The following MICAL2 variants were observed in gnomAD, a reference collection of about 807,000 sequenced individuals.
MICAL2 encodes microtubule associated monooxygenase, calponin and LIM domain containing 2.
In MICAL2, 77 loss-of-function variants were observed where a neutral mutation model predicts 127.3. The observed-to-expected ratio is 0.60, with a 90% CI of 0.50 to 0.73. The LOEUF is 0.73. Among genes scored for constraint, MICAL2 ranks in the 30% least tolerant of loss-of-function variants. The pLI is 0.00. For missense variants in MICAL2, 1,351 were observed against 1,434.4 expected, an observed-to-expected ratio of 0.94 and a Z score of 0.94; for synonymous variants, 570 against 551.1, an observed-to-expected ratio of 1.03 and a Z score of -0.48.
intron 7 of MICAL2, among the ~76,000 whole-genome samples, chr11:12,216,010 G>T (rs1337763631): frequency 2.6e-5 from 4 of 152,274 alleles, no homozygotes; most frequent in Middle Eastern, 3.4e-3. Flanking sequence ...GAATAATGCC[G>T]CTATAGAACT....
intron 32 of MICAL2, among the ~76,000 whole-genome samples, chr11:12,341,352 T>C (rs901932103): frequency 6.6e-6 from 1 of 151,636 alleles, no homozygotes; most frequent in Non-Finnish European, 1.5e-5. Context: ...TCAAAAGAGA[T>C]AGATAGTTAT....
intron 29 of MICAL2, among the ~76,000 whole-genome samples, chr11:12,305,479 A>T (rs1021405677): frequency 2.1e-5 from 3 of 144,402 alleles, no homozygotes; most frequent in Non-Finnish European, 4.5e-5. Flanking sequence ...TAGCCGAACC[A>T]TATCATTGTA....
chr11:12,151,832 G>A (rs1287080412), intron 2 of MICAL2, among the ~76,000 whole-genome samples: 1 of 152,136 alleles, frequency 6.6e-6, no homozygotes, highest in Non-Finnish European at 1.5e-5. Flanking sequence ...AGGAAGGAGC[G>A]GTCCAGCTGG....
intron 33 of MICAL2, among the ~76,000 whole-genome samples, chr11:12,351,625 A>G (rs192174063): frequency 1.3e-5 from 2 of 152,130 alleles, no homozygotes; most frequent in Non-Finnish European, 2.9e-5. Context: ...GAGCTCACGT[A>G]GTCTATTTTT....
intron 1 of MICAL2, among the ~76,000 whole-genome samples, chr11:12,115,691 A>C (rs968082855): frequency 6.6e-6 from 1 of 152,086 alleles, no homozygotes; most frequent in South Asian, 2.1e-4. Flanking sequence ...GCTAGAGTTG[A>C]TCTTTTCCTT....
intron 32 of MICAL2, among the ~76,000 whole-genome samples, chr11:12,343,920 T>G (rs2134886813): frequency 6.6e-6 from 1 of 152,202 alleles, no homozygotes; most frequent in East Asian, 1.9e-4. Context: ...TAAGGCCAGG[T>G]GAAAGATGGA....
chr11:12,294,124 G>T, downstream of MICAL2: 1 of 1,613,928 alleles, frequency 6.2e-7, no homozygotes, highest in South Asian at 1.1e-5. Context: ...GCCCCCTGCT[G>T]CTCCCTAGGG....
chr11:12,206,268 C>T (rs1854669650), intron 4 of MICAL2, among the ~76,000 whole-genome samples: 2 of 152,160 alleles, frequency 1.3e-5, no homozygotes, highest in South Asian at 4.1e-4. Flanking sequence ...GGGCTGGCTT[C>T]CTGGCCAGGA....
At chr11:12,181,809 G>A (rs1857518557) in intron 3 of MICAL2, among the ~76,000 whole-genome samples, 1 of 152,216 alleles carries the variant, frequency 6.6e-6, no homozygotes, top group African/African-American at 2.4e-5. Context: ...CCCCATGCTG[G>A]GGATTCATGG....
At chr11:12,344,613 G>A (rs1938924094) in intron 32 of MICAL2, among the ~76,000 whole-genome samples, 1 of 149,640 alleles carries the variant, frequency 6.7e-6, no homozygotes, top group South Asian at 2.1e-4. Flanking sequence ...CGATTCTCCT[G>A]TCTCAGCCTC....
chr11:12,303,290 A>G (rs1565299574), intron 29 of MICAL2, among the ~76,000 whole-genome samples: 1 of 152,248 alleles, frequency 6.6e-6, no homozygotes, highest in Non-Finnish European at 1.5e-5. Flanking sequence ...CTCCAAGGTC[A>G]TGTAGATGTT....
Position 12,260,392 on chromosome 11 carries a change from G to T in MICAL2, c.3334+495G>T, listed in dbSNP as rs1590694531. ...GATGATATGAAGGATCTTTTCTATAGCTTTGTGAGCCATACTTCTGGGTTT... is the reference window on the plus strand; with the variant it reads ...GATGATATGAAGGATCTTTTCTATATCTTTGTGAGCCATACTTCTGGGTTT... On this transcript the variant is annotated intron_variant, in intron 26 of 27. Coordinates refer to ENST00000683283, the MANE Select transcript of MICAL2 (RefSeq NM_001282663.2). 3.2e-6 allele frequency: 4 copies of T among 1,262,768 alleles called. No homozygotes were observed. The East Asian group carries it at 9.3e-5, about 29-fold the overall frequency. The allele number at this position is 1,262,768 out of a possible 1,614,324, so 78.2% of individuals were successfully genotyped here.
At chr11:12,224,918 C>A in intron 13 of MICAL2, 98 bp downstream of exon 13, 1 of 1,408,704 alleles carries the variant, frequency 7.1e-7, no homozygotes. Context: ...ATTTCTCTTT[C>A]TGTGTTTCAA....
chr11:12,275,830 G>A (rs985470502), upstream of MICAL2, among the ~76,000 whole-genome samples: 6 of 152,208 alleles, frequency 3.9e-5, no homozygotes, highest in South Asian at 2.1e-4. Context: ...TGGCAGGCTC[G>A]GGGGTGAGGG....
chr11:12,330,807 G>GAGAGAGAGAC (rs1864408704), intron 32 of MICAL2, among the ~76,000 whole-genome samples: 1 of 149,204 alleles, frequency 6.7e-6, no homozygotes, highest in Non-Finnish European at 1.5e-5. Context: ...GAGAGAGACA[G>GAGAGAGAGAC]AGAGAGAGAG....
chr11:12,215,344 C>T (rs1825641), intron 7 of MICAL2, among the ~76,000 whole-genome samples: 128,693 of 152,162 alleles, frequency 0.85, 54,726 homozygotes, highest in Middle Eastern at 0.88. Flanking sequence ...AATAAAGGTG[C>T]TCCTATGGTT....
chr11:12,306,834 G>A (rs1008533211), intron 29 of MICAL2, among the ~76,000 whole-genome samples: 15 of 152,162 alleles, frequency 9.9e-5, no homozygotes, highest in Non-Finnish European at 1.9e-4. Context: ...TTGTATGGAT[G>A]CACCAACATT....
At chr11:12,232,828 G>T (rs1045861183) in intron 15 of MICAL2, among the ~76,000 whole-genome samples, 1 of 152,080 alleles carries the variant, frequency 6.6e-6, no homozygotes, top group African/African-American at 2.4e-5. Flanking sequence ...TGCTTTCTAG[G>T]GTTTCAGTGA....
intron 13 of MICAL2, 113 bp from the exon 14 acceptor site, chr11:12,226,058 G>T (rs1857402411): frequency 8.0e-6 from 8 of 1,000,870 alleles, no homozygotes; most frequent in Non-Finnish European, 1.2e-5. Flanking sequence ...CCTGTAACCT[G>T]CCGACACCTG....
Sources: allele counts gnomAD v4.1 joint callset (sites outside exome capture counted in the v4.1 genomes callset), GRCh38; gene constraint gnomAD v4.1.1; transcripts MANE v1.5; gene names NCBI Gene and HGNC (gene_info 2026-07-23, HGNC 2026-07-21).